Variants in SCG5 observed in about 807,000 individuals in gnomAD.
The protein encoded by SCG5 is neuroendocrine protein 7B2.
A neutral mutation model predicts 25.7 loss-of-function variants in SCG5; 18 were observed. The ratio of observed to expected loss-of-function variants is 0.70; its 90% CI spans 0.48 to 1.04. The LOEUF (loss-of-function observed/expected upper bound fraction) is 1.04, where lower values mean the gene tolerates loss of function less well. SCG5 is among the 50% of genes least tolerant of loss of function. The pLI is 0.00. For synonymous variants in SCG5, 101 were observed against 91.7 expected (o/e 1.10, Z -0.58); for missense variants, 206 against 259.8 (o/e 0.79, Z 1.42).
At chr15:32,648,582 C>T (rs1008384150) in intron 2 of SCG5, among the ~76,000 whole-genome samples, 4 of 152,048 alleles carry the variant, frequency 2.6e-5, no homozygotes, top group Non-Finnish European at 5.9e-5. Flanking sequence ...CTTTGTTCCA[C>T]GCATTCTGGC....
intron 4 of SCG5, among the ~76,000 whole-genome samples, chr15:32,691,275 A>C (rs971547843): frequency 6.6e-6 from 1 of 152,238 alleles, no homozygotes; most frequent in South Asian, 2.1e-4. Context: ...AGAAGTCAGA[A>C]TGTCTCGTTT....
chr15:32,642,928 C>T lies in SCG5; in HGVS notation c.-7-658C>T, dbSNP rs545746311. ...AAAAGGTAAATGCTTTAATTATCTC[C>T]GTTTTGCAGAGGAGGAAACTGAGGG... On this transcript the variant is annotated intron_variant, in intron 1 of 5. Transcript: ENST00000300175. Among the ~76,000 whole-genome samples, 5 of 152,294 alleles carry T rather than the reference C, an allele frequency of 3.3e-5. No individual in the cohort carries two copies. The East Asian group carries it at 7.7e-4, about 23-fold the overall frequency.
chr15:32,658,507 G>T (rs958297931), intron 2 of SCG5, among the ~76,000 whole-genome samples: 8 of 152,170 alleles, frequency 5.3e-5, no homozygotes, highest in African/African-American at 1.9e-4. Context: ...GGTGGTTATG[G>T]GGAAGGGAGG....
intron 2 of SCG5, among the ~76,000 whole-genome samples, chr15:32,658,103 G>A (rs530991278): frequency 6.6e-6 from 1 of 152,264 alleles, no homozygotes; most frequent in South Asian, 2.1e-4. Context: ...ATGCAGTGCC[G>A]CACCCCAGTG....
At chr15:32,681,521 GC>G (rs1292654777) in intron 3 of SCG5, among the ~76,000 whole-genome samples, 1 of 130,642 alleles carries the variant, frequency 7.7e-6, no homozygotes, top group Non-Finnish European at 1.6e-5. Flanking sequence ...TTACTTTGTT[GC>G]CCAGGTGGGA....
At position 32,641,727 on chromosome 15, in the gene SCG5, C is replaced by T. The variant is rs143174450; in HGVS notation, c.-59C>T. ...AGCTCTCCAGTTCGCCCGTTCCTGG[C>T]CTGACCCCCACCAAGGCCCATACCG... On this transcript the variant is annotated 5_prime_UTR_variant, in exon 1 of 6. Coordinates refer to ENST00000300175, the MANE Select transcript of SCG5 (RefSeq NM_001144757.3). The T allele has an allele frequency of 5.7e-3, 871 of 152,434 alleles. 1 individual carries two copies. Among genetic ancestry groups the T allele is most frequent in the Middle Eastern group, 0.017 (5 of 296 alleles). 9.4% of individuals were successfully genotyped at this position (152,434 alleles called of 1,614,324 possible).
In SCG5 at chr15:32,679,637, A is replaced by G; in HGVS notation, c.227-129A>G. On this transcript the variant is annotated intron_variant, in intron 2 of 5. Transcript: ENST00000300175. ...ATTTCTAAACCCCTAGAGGGCAAGA[A>G]CCATTTCATTTATTTTTCTCTCCCC... is the stretch of plus-strand genomic sequence containing the variant. 3 of 983,172 alleles carry G rather than the reference A, an allele frequency of 3.1e-6. No individual in the cohort carries two copies. In the South Asian group the frequency reaches 4.6e-5, roughly 15 times the overall value. 60.9% of individuals were successfully genotyped at this position (983,172 alleles called of 1,614,324 possible).
chr15:32,696,278 C>T (rs1018002923), intron 5 of SCG5, among the ~76,000 whole-genome samples: 65 of 152,182 alleles, frequency 4.3e-4, no homozygotes, highest in East Asian at 1.4e-3. Flanking sequence ...CCACCACGCC[C>T]GGCTAATTTT....
intron 2 of SCG5, among the ~76,000 whole-genome samples, chr15:32,675,994 A>C (rs2054524329): frequency 6.6e-6 from 1 of 152,214 alleles, no homozygotes; most frequent in Admixed American, 6.5e-5. Flanking sequence ...ATTTTGTTTG[A>C]CTTGGCTTCA....
chr15:32,686,372 T>C (rs2054708844), intron 4 of SCG5, among the ~76,000 whole-genome samples: 1 of 150,940 alleles, frequency 6.6e-6, no homozygotes, highest in Admixed American at 6.6e-5. Flanking sequence ...ATATGGGGAG[T>C]CATTTCAGTT....
chr15:32,667,797 C>T (rs773006271), intron 2 of SCG5, among the ~76,000 whole-genome samples: 2 of 151,746 alleles, frequency 1.3e-5, no homozygotes, highest in South Asian at 2.1e-4. Flanking sequence ...CTCAGCCTTT[C>T]GAGTAACTGG....
chr15:32,672,153 GGACCCGTTCCCTTC>G (rs2054437687), intron 2 of SCG5, among the ~76,000 whole-genome samples: 1 of 152,256 alleles, frequency 6.6e-6, no homozygotes, highest in Non-Finnish European at 1.5e-5. Context: ...GAAAACTGCT[GGACCCGTTCCCTTC>G]AGCTGAATGG....
intron 2 of SCG5, among the ~76,000 whole-genome samples, chr15:32,669,572 GC>G (rs1267950346): frequency 6.6e-6 from 1 of 152,168 alleles, no homozygotes; most frequent in African/African-American, 2.4e-5. Context: ...ATAAAGACAT[GC>G]TTAGCCTTCA....
chr15:32,686,889 A>G (rs1367065393), intron 4 of SCG5, among the ~76,000 whole-genome samples: 1 of 152,182 alleles, frequency 6.6e-6, no homozygotes. Context: ...CTGTATTCTG[A>G]GGGCCAGGGG....
At chr15:32,686,406 G>T (rs912745541) in intron 4 of SCG5, among the ~76,000 whole-genome samples, 1 of 152,126 alleles carries the variant, frequency 6.6e-6, no homozygotes, top group African/African-American at 2.4e-5. Context: ...ACACCGTGAA[G>T]AAGGGTGAGA....
At position 32,676,654 on chromosome 15, in the gene SCG5, A is replaced by G. The variant is rs537895108; in HGVS notation, c.227-3112A>G. Among the ~76,000 whole-genome samples the G allele has an allele frequency of 2.0e-5, 3 of 152,370 alleles. No individual in the cohort carries two copies. In the East Asian group the frequency reaches 5.8e-4, roughly 29 times the overall value. Reference sequence around the variant, plus strand: ...ACTAGCTCTGAAGGTAGCTATCACAAATGAGCTGGATGAATCATCAGAAAG... The same window carrying G: ...ACTAGCTCTGAAGGTAGCTATCACAGATGAGCTGGATGAATCATCAGAAAG... On this transcript the variant is annotated intron_variant, in intron 2 of 5. Coordinates refer to ENST00000300175, the MANE Select transcript of SCG5 (RefSeq NM_001144757.3).
chr15:32,661,587 T>C (rs1044255091), intron 2 of SCG5, among the ~76,000 whole-genome samples: 6 of 151,912 alleles, frequency 3.9e-5, no homozygotes, highest in African/African-American at 1.5e-4. Context: ...ACCATTACAC[T>C]CCAGCCTGGG....
At chr15:32,685,065 A>G (rs767407935) in intron 4 of SCG5, among the ~76,000 whole-genome samples, 1 of 152,230 alleles carries the variant, frequency 6.6e-6, no homozygotes, top group Non-Finnish European at 1.5e-5. Flanking sequence ...AAGGGAGATG[A>G]TCTCTGCAGA....
intron 2 of SCG5, among the ~76,000 whole-genome samples, chr15:32,679,413 G>A (rs1449755482): frequency 6.6e-6 from 1 of 151,932 alleles, no homozygotes; most frequent in Non-Finnish European, 1.5e-5. Context: ...TGTTGGCCAG[G>A]CTGGTCTTGC....
Sources: allele counts gnomAD v4.1 joint callset (sites outside exome capture counted in the v4.1 genomes callset), GRCh38; gene constraint gnomAD v4.1.1; transcripts MANE v1.5; gene names NCBI Gene and HGNC (gene_info 2026-07-23, HGNC 2026-07-21).